The following ARL4D variants were observed in gnomAD, a reference collection of about 807,000 sequenced individuals.
ARL4D encodes ARF like GTPase 4D.
Under a neutral mutation model 0.6 loss-of-function variants are expected in ARL4D, and 1 was observed. The observed-to-expected ratio is 1.64, with a 90% CI of 0.58 to 7.76. The LOEUF (loss-of-function observed/expected upper bound fraction) is 7.76. Among genes scored for constraint, ARL4D ranks in the 30% most tolerant of loss-of-function variants. The pLI, the probability that ARL4D is intolerant of heterozygous loss-of-function variation, is 0.14. For synonymous variants in ARL4D, 102 were observed against 115.2 expected (o/e 0.89, Z 0.73); for missense variants, 230 against 264.5 (o/e 0.87, Z 0.90).
rs1189670996 is a variant in ARL4D at position 43,400,930 on chromosome 17, CTG to C, written c.*594_*595del. On this transcript the variant is annotated 3_prime_UTR_variant, in exon 2 of 2. Transcript: ENST00000320033. ...CCTGTAAGTTATTAAAGACTGATAA[CTG>C]TAGCTCTTACCTTGGTCTGGGGCAT... The C allele has an allele frequency of 6.0e-6, 1 of 167,162 alleles. No homozygotes were observed. The highest frequency in any genetic ancestry group is 2.4e-5 in the African/African-American group (1 of 41,424). 10.4% of individuals were successfully genotyped at this position (167,162 alleles called of 1,614,324 possible). A position where few individuals can be genotyped will look rare whatever the true frequency, so the allele number is the denominator to read the frequency against.
Position 43,401,051 on chromosome 17 carries a change from C to G in ARL4D, c.*713C>G, listed in dbSNP as rs1007412793. 2.4e-5 allele frequency: 4 copies of G among 166,910 alleles called. No homozygotes were observed. The highest frequency in any genetic ancestry group is 9.7e-5 in the African/African-American group (4 of 41,368). The allele number at this position is 166,910 out of a possible 1,614,324, so 10.3% of individuals were successfully genotyped here. A position where few individuals can be genotyped will look rare whatever the true frequency, so the allele number is the denominator to read the frequency against. ...GAGATTTATCTTGAAGCTGAATTTG[C>G]AAAGCAAGCACTTATAAAAATTAGA... On this transcript the variant is annotated 3_prime_UTR_variant, in exon 2 of 2. Coordinates refer to ENST00000320033, the MANE Select transcript of ARL4D (RefSeq NM_001661.4).
rs1422719150 is a variant in ARL4D at position 43,400,787 on chromosome 17, T to C, written c.*449T>C. On this transcript the variant is annotated 3_prime_UTR_variant, in exon 2 of 2. Transcript: ENST00000320033. ...TCTAGGAATACCAGTCACATAGTTTTTATTTTTGTGTCTGTGAAAGTGCCA... is the reference window on the plus strand; with the variant it reads ...TCTAGGAATACCAGTCACATAGTTTCTATTTTTGTGTCTGTGAAAGTGCCA... 1 of 175,728 alleles carries C rather than the reference T, an allele frequency of 5.7e-6. No individual in the cohort carries two copies. Among genetic ancestry groups the C allele is most frequent in the Non-Finnish European group, 1.4e-5 (1 of 72,876 alleles). 10.9% of individuals were successfully genotyped at this position (175,728 alleles called of 1,614,324 possible). A position where few individuals can be genotyped will look rare whatever the true frequency, so the allele number is the denominator to read the frequency against.
In ARL4D at chr17:43,400,408, C is replaced by G; in HGVS notation, c.*70C>G. On this transcript the variant is annotated 3_prime_UTR_variant, in exon 2 of 2. Coordinates refer to ENST00000320033, the MANE Select transcript of ARL4D (RefSeq NM_001661.4). ...CACTTGGACAGCAGGGTGGGACCAGCCTGTGACCTCTCAGTCAGACTGGGG... is the reference window on the plus strand; with the variant it reads ...CACTTGGACAGCAGGGTGGGACCAGGCTGTGACCTCTCAGTCAGACTGGGG... 4 of 1,507,514 alleles carry G rather than the reference C, an allele frequency of 2.7e-6. No individual in the cohort carries two copies. Among genetic ancestry groups the G allele is most frequent in the Non-Finnish European group, 3.5e-6 (4 of 1,127,608 alleles). The allele number at this position is 1,507,514 out of a possible 1,614,324, so 93.4% of individuals were successfully genotyped here.
rs997984789 is a variant in ARL4D, at chr17:43,400,852, A to G, written c.*514A>G. 2.3e-5 allele frequency: 4 copies of G among 171,956 alleles called. No homozygotes were observed. The highest frequency in any genetic ancestry group is 1.8e-4 in the Admixed American group (3 of 16,658). The allele number at this position is 171,956 out of a possible 1,614,324, so 10.7% of individuals were successfully genotyped here. ...CATTTGTAGATCCATGACCCTTTTTATAAGCTGTGTGTGTCCTCTGTATTA... is the reference window on the plus strand; with the variant it reads ...CATTTGTAGATCCATGACCCTTTTTGTAAGCTGTGTGTGTCCTCTGTATTA... On this transcript the variant is annotated 3_prime_UTR_variant, in exon 2 of 2. Coordinates refer to ENST00000320033, the MANE Select transcript of ARL4D (RefSeq NM_001661.4).
At position 43,399,824 on chromosome 17, in the gene ARL4D, C is replaced by G. The variant is rs368264928; in HGVS notation, c.92C>G (p.Ser31Cys). The G allele has an allele frequency of 6.2e-7, 1 of 1,613,990 alleles. No homozygotes were observed. Among genetic ancestry groups the G allele is most frequent in the Non-Finnish European group, 8.5e-7 (1 of 1,180,028 alleles). The change falls in exon 2 of 2, where the codon TCT becomes TGT. Residue 31 changes from serine to cysteine, a missense_variant. Coordinates refer to ENST00000320033, the MANE Select transcript of ARL4D (RefSeq NM_001661.4). Reference protein sequence around the residue: ...ALHVVVIGLDSAGKTSLLYRL... With the variant: ...ALHVVVIGLDCAGKTSLLYRL... ...CATGTCGTGGTCATTGGGCTGGACT[C>G]TGCTGGAAAGACCTCCCTCCTTTAC...
chr17:43,399,688 T>A lies in ARL4D; in HGVS notation c.-45T>A, dbSNP rs1322405411. 7 of 1,569,996 alleles carry A rather than the reference T, an allele frequency of 4.5e-6. No homozygotes were observed. The highest frequency in any genetic ancestry group is 6.1e-6 in the Non-Finnish European group (7 of 1,156,510). ...AACCCAGCTGTGCTCCCTGGAACCT[T>A]CAATTTCAAGGCCTCCCTGCCTCTA... On this transcript the variant is annotated 5_prime_UTR_variant, in exon 2 of 2. Transcript: ENST00000320033.
At position 43,399,975 on chromosome 17, in the gene ARL4D, G is replaced by A; in HGVS notation, c.243G>A (p.Glu81=). Reference sequence around the variant, plus strand: ...AAGTGTGGGACGTCGGGGGGCAGGAGAAGCTGCGACCACTGTGGCGCTCTT... The same window carrying A: ...AAGTGTGGGACGTCGGGGGGCAGGAAAAGCTGCGACCACTGTGGCGCTCTT... ...TFQVWDVGGQ[E]KLRPLWRSYT... is the part of the protein sequence containing the mutation. Residue 81 remains glutamate (E), a synonymous_variant, in exon 2 of 2, where the codon GAG becomes GAA. Coordinates refer to ENST00000320033, the MANE Select transcript of ARL4D (RefSeq NM_001661.4). The A allele has an allele frequency of 6.2e-7, 1 of 1,614,088 alleles. No homozygotes were observed. The highest frequency in any genetic ancestry group is 8.5e-7 in the Non-Finnish European group (1 of 1,180,044).
chr17:43,399,918 G>A lies in ARL4D; in HGVS notation c.186G>A (p.Val62=). The A allele has an allele frequency of 5.6e-6, 9 of 1,614,132 alleles. No homozygotes were observed. Among genetic ancestry groups the A allele is most frequent in the Non-Finnish European group, 7.6e-6 (9 of 1,180,032 alleles). The change falls in exon 2 of 2, where the codon GTG becomes GTA. Residue 62 remains valine (V), a synonymous_variant. Coordinates refer to ENST00000320033, the MANE Select transcript of ARL4D (RefSeq NM_001661.4). ...GCTTCAACACCGAGAAGATCCGGGT[G>A]CCCCTCGGGGGATCGCGTGGCATCA... is the stretch of plus-strand genomic sequence containing the variant. ...TKGFNTEKIR[V]PLGGSRGITF...
chr17:43,399,541 A>G (rs1171043287), intron 1 of ARL4D, 120 bp from the exon 2 acceptor site: 2 of 674,306 alleles, frequency 3.0e-6, no homozygotes, highest in African/African-American at 1.9e-5. Flanking sequence ...AAAAAAAAAA[A>G]GGAAAGGAAT....
At position 43,400,634 on chromosome 17, in the gene ARL4D, G is replaced by T; in HGVS notation, c.*296G>T. On this transcript the variant is annotated 3_prime_UTR_variant, in exon 2 of 2. Coordinates refer to ENST00000320033, the MANE Select transcript of ARL4D (RefSeq NM_001661.4). Reference sequence around the variant, plus strand: ...CCCTGTTTCTTATTTTTCTTCTCTGGCTAAAAATTTTTAATTGGATGTGTT... The same window carrying T: ...CCCTGTTTCTTATTTTTCTTCTCTGTCTAAAAATTTTTAATTGGATGTGTT... 3.5e-6 allele frequency: 1 copy of T among 288,872 alleles called. No homozygotes were observed. Among genetic ancestry groups the T allele is most frequent in the Non-Finnish European group, 6.9e-6 (1 of 145,312 alleles). The allele number at this position is 288,872 out of a possible 1,614,324, so 17.9% of individuals were successfully genotyped here.
chr17:43,400,385 C>G lies in ARL4D; in HGVS notation c.*47C>G, dbSNP rs1179536536. 3.3e-6 allele frequency: 5 copies of G among 1,529,288 alleles called. No individual in the cohort carries two copies. The highest frequency in any genetic ancestry group is 3.5e-6 in the Non-Finnish European group (4 of 1,139,976). 94.7% of individuals were successfully genotyped at this position (1,529,288 alleles called of 1,614,324 possible). ...CTCCCACCTAGTAGGGGTCTGCACACTTGGACAGCAGGGTGGGACCAGCCT... is the reference window on the plus strand; with the variant it reads ...CTCCCACCTAGTAGGGGTCTGCACAGTTGGACAGCAGGGTGGGACCAGCCT... On this transcript the variant is annotated 3_prime_UTR_variant, in exon 2 of 2. Coordinates refer to ENST00000320033, the MANE Select transcript of ARL4D (RefSeq NM_001661.4).
chr17:43,399,906 G>C lies in ARL4D; in HGVS notation c.174G>C (p.Glu58Asp). ...TCCCCACCAAAGGCTTCAACACCGA[G>C]AAGATCCGGGTGCCCCTCGGGGGAT... ...QSVPTKGFNTEKIRVPLGGSR... is the reference protein window; with the variant it reads ...QSVPTKGFNTDKIRVPLGGSR... Residue 58 changes from glutamate to aspartate, a missense_variant, in exon 2 of 2, where the codon GAG becomes GAC. Around this residue, in one of 3 missense-constraint regions of ARL4D, gnomAD observed 91 missense variants for 100.4 expected, o/e 0.91. Coordinates refer to ENST00000320033, the MANE Select transcript of ARL4D (RefSeq NM_001661.4). 6.2e-7 allele frequency: 1 copy of C among 1,614,148 alleles called. No homozygotes were observed. Among genetic ancestry groups the C allele is most frequent in the Non-Finnish European group, 8.5e-7 (1 of 1,180,020 alleles).
At position 43,399,969 on chromosome 17, in the gene ARL4D, G is replaced by T. The variant is rs148824656; in HGVS notation, c.237G>T (p.Gly79=). The change falls in exon 2 of 2, where the codon GGG becomes GGT. Residue 79 remains glycine, a synonymous_variant. Transcript: ENST00000320033. The part of the protein sequence containing the change: ...GITFQVWDVG[G]QEKLRPLWRS... ...CCTTCCAAGTGTGGGACGTCGGGGG[G>T]CAGGAGAAGCTGCGACCACTGTGGC... 7 of 1,614,052 alleles carry T rather than the reference G, an allele frequency of 4.3e-6. No individual in the cohort carries two copies. Among genetic ancestry groups the T allele is most frequent in the African/African-American group, 1.3e-5 (1 of 75,012 alleles).
chr17:43,399,590 T>A (rs902059951), intron 1 of ARL4D, 71 bp from the exon 2 acceptor site: 2 of 1,025,892 alleles, frequency 1.9e-6, no homozygotes, highest in Non-Finnish European at 2.8e-6. Context: ...TAGGAAGGGA[T>A]CAAGAAGTTG....
At chr17:43,399,353 C>T (rs1179777454) in intron 1 of ARL4D, among the ~76,000 whole-genome samples, 1 of 152,006 alleles carries the variant, frequency 6.6e-6, no homozygotes, top group African/African-American at 2.4e-5. Flanking sequence ...CCTCGGGGAT[C>T]TTGCCTGGGG....
chr17:43,401,062 C>G lies in ARL4D; in HGVS notation c.*724C>G, dbSNP rs1170514994. The G allele has an allele frequency of 1.2e-5, 2 of 166,898 alleles. No individual in the cohort carries two copies. The highest frequency in any genetic ancestry group is 2.9e-5 in the Non-Finnish European group (2 of 68,100). The allele number at this position is 166,898 out of a possible 1,614,324, so 10.3% of individuals were successfully genotyped here. A position where few individuals can be genotyped will look rare whatever the true frequency, so the allele number is the denominator to read the frequency against. ...TGAAGCTGAATTTGCAAAGCAAGCA[C>G]TTATAAAAATTAGATTGTGTGTTAC... On this transcript the variant is annotated 3_prime_UTR_variant, in exon 2 of 2. Transcript: ENST00000320033.
Position 43,399,700 on chromosome 17 carries a change from C to A in ARL4D, c.-33C>A. 6.3e-7 allele frequency: 1 copy of A among 1,579,742 alleles called. No homozygotes were observed. On this transcript the variant is annotated 5_prime_UTR_variant, in exon 2 of 2. Transcript: ENST00000320033. Reference sequence around the variant, plus strand: ...CTCCCTGGAACCTTCAATTTCAAGGCCTCCCTGCCTCTACTAGGCGCCTTA... The same window carrying A: ...CTCCCTGGAACCTTCAATTTCAAGGACTCCCTGCCTCTACTAGGCGCCTTA...
chr17:43,400,056 G>C lies in ARL4D; in HGVS notation c.324G>C (p.Arg108=). Residue 108 remains arginine, a synonymous_variant, in exon 2 of 2, where the codon CGG becomes CGC. Transcript: ENST00000320033. ...VFVVDAAEAE[R]LEEAKVELHR... ...TGGTGGACGCTGCGGAGGCTGAGCG[G>C]CTGGAGGAAGCCAAGGTGGAGTTGC... 6.2e-7 allele frequency: 1 copy of C among 1,613,482 alleles called. No homozygotes were observed. Among genetic ancestry groups the C allele is most frequent in the South Asian group, 1.1e-5 (1 of 91,086 alleles).
Position 43,399,736 on chromosome 17 carries a change from G to C in ARL4D, c.4G>C (p.Gly2Arg). 6.2e-7 allele frequency: 1 copy of C among 1,611,880 alleles called. No individual in the cohort carries two copies. The highest frequency in any genetic ancestry group is 8.5e-7 in the Non-Finnish European group (1 of 1,178,392). The change falls in exon 2 of 2, where the codon GGG (glycine) becomes CGG (arginine). Residue 2 changes from glycine to arginine, a missense_variant. Gly to Arg is a moderately radical substitution (Grantham distance 125). Coordinates refer to ENST00000320033, the MANE Select transcript of ARL4D (RefSeq NM_001661.4). Reference sequence around the variant, plus strand: ...CTACTAGGCGCCTTAGCTCACTATGGGGAACCACTTGACTGAGATGGCGCC... The same window carrying C: ...CTACTAGGCGCCTTAGCTCACTATGCGGAACCACTTGACTGAGATGGCGCC... M[G>R]NHLTEMAPTA...
Sources: gnomAD v4.1 joint callset for allele counts (sites outside exome capture counted in the v4.1 genomes callset) on GRCh38, gnomAD v4.1.1 for gene constraint, gnomAD v4.1.1 regional missense constraint, MANE v1.5 for transcripts, NCBI Gene and HGNC (gene_info 2026-07-23, HGNC 2026-07-21) for gene names.